PCDHA8: variants seen among roughly 807,000 people sequenced by gnomAD.
The protein encoded by PCDHA8 is protocadherin alpha 8, also known as protocadherin alpha-8.
In PCDHA8, 53 loss-of-function variants were observed where a neutral mutation model predicts 61.8. The observed-to-expected ratio is 0.86, with a 90% CI of 0.69 to 1.08. The LOEUF (loss-of-function observed/expected upper bound fraction) is 1.08, where lower values mean the gene tolerates loss of function less well. Ranked by LOEUF, PCDHA8 falls within the 50% of genes least tolerant of loss-of-function variation. The pLI, the probability that PCDHA8 is intolerant of heterozygous loss-of-function variation, is 0.00. For missense variants in PCDHA8, 1,293 were observed against 1,245.0 expected (o/e 1.04, Z -0.58); for synonymous variants, 618 against 556.6 (o/e 1.11, Z -1.55).
intron 1 of PCDHA8, chr5:140,969,353 C>T (rs781980010): frequency 3.7e-6 from 6 of 1,612,562 alleles, no homozygotes; most frequent in Non-Finnish European, 4.2e-6. Context: ...GTCAGGGGGT[C>T]TTCTACAAAC....
chr5:140,969,491 C>T (rs2096337176), intron 1 of PCDHA8: 8 of 1,449,294 alleles, frequency 5.5e-6, no homozygotes, highest in Non-Finnish European at 7.3e-6. Context: ...CTGCTATTTC[C>T]TCTCTAGAAA....
At chr5:140,946,903 T>A (rs2094054259) in intron 1 of PCDHA8, among the ~76,000 whole-genome samples, 1 of 151,408 alleles carries the variant, frequency 6.6e-6, no homozygotes, top group African/African-American at 2.4e-5. Flanking sequence ...ATAGGAAGAA[T>A]AAGTTCTGGT....
chr5:140,876,648 T>A, intron 1 of PCDHA8: 4 of 1,614,208 alleles, frequency 2.5e-6, no homozygotes, highest in Non-Finnish European at 3.4e-6. Flanking sequence ...TGACACCTCA[T>A]GTTCCCTTCA....
chr5:140,872,610 T>G (rs1270918795), intron 1 of PCDHA8, among the ~76,000 whole-genome samples: 3 of 152,146 alleles, frequency 2.0e-5, no homozygotes, highest in Non-Finnish European at 4.4e-5. Flanking sequence ...AAAATAATTT[T>G]TTTTGCCTGT....
At chr5:140,994,726 G>A (rs774837274) in intron 3 of PCDHA8, among the ~76,000 whole-genome samples, 1 of 151,958 alleles carries the variant, frequency 6.6e-6, no homozygotes, top group Non-Finnish European at 1.5e-5. Flanking sequence ...TAAAATACTG[G>A]GTATTGCAGG....
At chr5:140,863,510 T>G (rs782817870) in intron 1 of PCDHA8, 4 of 411,506 alleles carry the variant, frequency 9.7e-6, no homozygotes, top group Admixed American at 3.0e-5. Context: ...TTAGTCCTAG[T>G]GTTCTCCCAT....
intron 1 of PCDHA8, chr5:140,850,814 C>T: frequency 6.3e-7 from 1 of 1,598,286 alleles, no homozygotes; most frequent in South Asian, 1.1e-5. Context: ...TGGCCTTCAG[C>T]CCGGGCCTTT....
intron 1 of PCDHA8, chr5:140,967,632 A>G (rs371201664): frequency 1.9e-5 from 31 of 1,614,028 alleles, no homozygotes; most frequent in Admixed American, 1.7e-4. Context: ...GAGGGCTCCA[A>G]TGGTGAGCTC....
rs150226999 is a variant in PCDHA8, at chr5:140,970,370, C to T, written c.2395-8579C>T. 2.1e-3 allele frequency among the ~76,000 whole-genome samples: 315 copies of T among 152,234 alleles called. 1 individual carries two copies. The highest frequency in any genetic ancestry group is 7.2e-3 in the African/African-American group (299 of 41,540). On this transcript the variant is annotated intron_variant, in intron 1 of 3. Coordinates refer to ENST00000531613, the MANE Select transcript of PCDHA8 (RefSeq NM_018911.3). ...GGATCTAAAATTTGATTTGCTATAG[C>T]TTCAAAAGGCTGGCTTGGAAAGTGG...
chr5:140,953,002 T>C (rs1019745922), intron 1 of PCDHA8, among the ~76,000 whole-genome samples: 5 of 152,142 alleles, frequency 3.3e-5, no homozygotes, highest in African/African-American at 1.2e-4. Flanking sequence ...ACTCTCTCAC[T>C]ATTATGAGAA....
Position 140,849,728 on chromosome 5 carries a change from A to C in PCDHA8, c.2394+6013A>C, listed in dbSNP as rs144507871. ...ATTACTACTCGTTGGTGCTGGACAG[A>C]GCTCTGGACCGCGAGAGTGTGTCCG... On this transcript the variant is annotated intron_variant, in intron 1 of 3. Transcript: ENST00000531613. 513 of 1,598,410 alleles carry C rather than the reference A, an allele frequency of 3.2e-4. 33 individuals carry two copies. In the African/African-American group the frequency reaches 4.5e-3, roughly 14 times the overall value.
chr5:140,852,232 T>A (rs1441900683), intron 1 of PCDHA8: 2 of 602,048 alleles, frequency 3.3e-6, no homozygotes, highest in African/African-American at 4.0e-5. Context: ...TTTTAAATTT[T>A]CCCTTAAAAC....
intron 1 of PCDHA8, chr5:140,927,606 C>T: frequency 6.2e-7 from 1 of 1,614,202 alleles, no homozygotes; most frequent in Non-Finnish European, 8.5e-7. Context: ...GCTCCGTATA[C>T]CGCACCAAGG....
rs115221257 is a variant in PCDHA8 at position 140,951,407 on chromosome 5, A to G, written c.2395-27542A>G. On this transcript the variant is annotated intron_variant, in intron 1 of 3. Transcript: ENST00000531613. ...GGTAATTTATAAAGAAAAGAGGTTTAATTGGCTCACAGTTCCACAGGCTGT... is the reference window on the plus strand; with the variant it reads ...GGTAATTTATAAAGAAAAGAGGTTTGATTGGCTCACAGTTCCACAGGCTGT... Among the ~76,000 whole-genome samples the G allele has an allele frequency of 4.7e-3, 715 of 152,182 alleles. 3 individuals are homozygous for G. Among genetic ancestry groups the G allele is most frequent in the African/African-American group, 0.015 (625 of 41,530 alleles).
At chr5:140,931,935 G>A (rs1456832226) in intron 1 of PCDHA8, among the ~76,000 whole-genome samples, 2 of 151,826 alleles carry the variant, frequency 1.3e-5, no homozygotes, top group East Asian at 1.9e-4. Context: ...ATTATAATGT[G>A]TGTCTGAGTC....
At chr5:140,856,510 A>G (rs1193359159) in intron 1 of PCDHA8, 2 of 1,598,532 alleles carry the variant, frequency 1.3e-6, no homozygotes, top group Non-Finnish European at 1.7e-6. Context: ...TTCCACTAGA[A>G]GGCGCATCTG....
At chr5:140,910,428 G>A (rs2075029085) in intron 1 of PCDHA8, among the ~76,000 whole-genome samples, 1 of 152,130 alleles carries the variant, frequency 6.6e-6, no homozygotes, top group Admixed American at 6.5e-5. Flanking sequence ...TATTCCCATT[G>A]CATTTAAGTT....
intron 3 of PCDHA8, among the ~76,000 whole-genome samples, chr5:140,984,877 C>A (rs1178230954): frequency 1.3e-5 from 2 of 151,944 alleles, no homozygotes; most frequent in Non-Finnish European, 2.9e-5. Flanking sequence ...TATTGAGTTA[C>A]CATGAGAACT....
chr5:140,841,885 G>C lies in PCDHA8; in HGVS notation c.564G>C (p.Glu188Asp), dbSNP rs2150324724. The C allele has an allele frequency of 1.2e-6, 2 of 1,613,802 alleles. No individual in the cohort carries two copies. The highest frequency in any genetic ancestry group is 1.7e-6 in the Non-Finnish European group (2 of 1,179,824). ...TAGATGTGAATTCAAAGAACGATGAGAATAAACTGGTTGAGCTCGTATTAA... is the reference window on the plus strand; with the variant it reads ...TAGATGTGAATTCAAAGAACGATGACAATAAACTGGTTGAGCTCGTATTAA... ...FMLDVNSKND[E>D]NKLVELVLRK... The change falls in exon 1 of 4, where the codon GAG becomes GAC. Residue 188 changes from glutamate to aspartate, a missense_variant. Coordinates refer to ENST00000531613, the MANE Select transcript of PCDHA8 (RefSeq NM_018911.3).
Sources: gnomAD v4.1 joint callset for allele counts (sites outside exome capture counted in the v4.1 genomes callset) on GRCh38, gnomAD v4.1.1 for gene constraint, MANE v1.5 for transcripts, NCBI Gene and HGNC (gene_info 2026-07-23, HGNC 2026-07-21) for gene names.